Variants in SERINC5 observed in about 807,000 individuals in gnomAD.
SERINC5 encodes serine incorporator 5, also known as chromosome 5 open reading frame 12.
In SERINC5, 41 loss-of-function variants were observed where a neutral mutation model predicts 63.1. That is an observed-to-expected ratio of 0.65 (90% confidence interval 0.51 to 0.84). SERINC5 has a LOEUF of 0.84. SERINC5 is among the 40% of genes least tolerant of loss of function. The pLI, the probability that SERINC5 is intolerant of heterozygous loss-of-function variation, is 0.00. For missense variants in SERINC5, 523 were observed against 573.0 expected, an observed-to-expected ratio of 0.91 and a Z score of 0.89; for synonymous variants, 222 against 215.2, an observed-to-expected ratio of 1.03 and a Z score of -0.28.
At chr5:80,160,310 G>A (rs780273294) in intron 7 of SERINC5, among the ~76,000 whole-genome samples, 1 of 152,162 alleles carries the variant, frequency 6.6e-6, no homozygotes, top group Non-Finnish European at 1.5e-5. Flanking sequence ...TAAACACTAC[G>A]TAACAAAGAT....
At chr5:80,170,231 T>G (rs1207653838) in intron 5 of SERINC5, among the ~76,000 whole-genome samples, 1 of 152,154 alleles carries the variant, frequency 6.6e-6, no homozygotes. Context: ...CAGTGTGAAA[T>G]GTAACAGACT....
In SERINC5 at chr5:80,142,624, A is replaced by AGGATGC. The variant is rs1745578499; in HGVS notation, c.*1038_*1039insGCATCC. On this transcript the variant is annotated 3_prime_UTR_variant, in exon 12 of 12. Transcript: ENST00000507668. ...TCCAAGGATGCCAGCATGAACCTGA[A>AGGATGC]CGGTATGGTCACGTTACAGATCCAG... is the stretch of plus-strand genomic sequence containing the variant. 7 of 985,410 alleles carry AGGATGC rather than the reference A, an allele frequency of 7.1e-6. No homozygotes were observed. The South Asian group carries it at 2.8e-4, about 40-fold the overall frequency. 61.0% of individuals were successfully genotyped at this position (985,410 alleles called of 1,614,324 possible).
chr5:80,212,193 T>C (rs534964056), intron 1 of SERINC5, among the ~76,000 whole-genome samples: 1 of 152,266 alleles, frequency 6.6e-6, no homozygotes, highest in South Asian at 2.1e-4. Context: ...ATAATACTGT[T>C]CCTTAATAAA....
intron 2 of SERINC5, among the ~76,000 whole-genome samples, chr5:80,187,481 G>A (rs78795659): frequency 0.018 from 2,790 of 151,934 alleles, 101 homozygotes; most frequent in African/African-American, 0.064. Flanking sequence ...TCCTGTTATT[G>A]GTCAGTGGAC....
In SERINC5 at chr5:80,141,157, C is replaced by A; in HGVS notation, c.*2506G>T. On this transcript the variant is annotated 3_prime_UTR_variant, in exon 12 of 12. Coordinates refer to ENST00000507668, the MANE Select transcript of SERINC5 (RefSeq NM_001174072.3). ...CCTCAATCCTCAGATACATCCACATCTGTTTTGTTCATCCAGATACACGTG... is the reference window on the plus strand; with the variant it reads ...CCTCAATCCTCAGATACATCCACATATGTTTTGTTCATCCAGATACACGTG... 1.0e-6 allele frequency: 1 copy of A among 985,416 alleles called. No individual in the cohort carries two copies. The highest frequency in any genetic ancestry group is 1.2e-6 in the Non-Finnish European group (1 of 829,902). The allele number at this position is 985,416 out of a possible 1,614,324, so 61.0% of individuals were successfully genotyped here.
intron 11 of SERINC5, among the ~76,000 whole-genome samples, chr5:80,117,770 G>C (rs531941289): frequency 5.3e-5 from 8 of 151,958 alleles, no homozygotes; most frequent in Admixed American, 1.3e-4. Flanking sequence ...AAGGATCTAG[G>C]GGGTGATCTA....
At chr5:80,229,229 G>T (rs866901830) in intron 1 of SERINC5, among the ~76,000 whole-genome samples, 7 of 151,706 alleles carry the variant, frequency 4.6e-5, no homozygotes, top group South Asian at 4.2e-4. Context: ...TCACCATGTT[G>T]GCCAGGCTGG....
intron 1 of SERINC5, among the ~76,000 whole-genome samples, chr5:80,231,557 G>A (rs1038608100): frequency 2.0e-5 from 3 of 151,524 alleles, no homozygotes; most frequent in Admixed American, 6.6e-5. Context: ...AACCTCCAGC[G>A]TCATGACCAC....
rs751331103 is a variant in SERINC5, at chr5:80,203,004, C to T, written c.77G>A (p.Cys26Tyr). The T allele has an allele frequency of 8.7e-6, 14 of 1,612,914 alleles. No homozygotes were observed. In the South Asian group the frequency reaches 1.5e-4, roughly 18 times the overall value. ...SAGCSLCCDC[C>Y]PRIRQSLSTR... Reference sequence around the variant, plus strand: ...GCTGAGGGACTGCCGAATCCTGGGGCAGCAATCACAGCAGAGAGAGCAGCC... The same window carrying T: ...GCTGAGGGACTGCCGAATCCTGGGGTAGCAATCACAGCAGAGAGAGCAGCC... Residue 26 changes from cysteine to tyrosine, a missense_variant, in exon 2 of 12, where the codon TGC (cysteine) becomes TAC (tyrosine). Physicochemically the swap from Cys to Tyr is radical, Grantham distance 194. Coordinates refer to ENST00000507668, the MANE Select transcript of SERINC5 (RefSeq NM_001174072.3).
intron 2 of SERINC5, among the ~76,000 whole-genome samples, chr5:80,201,469 A>G (rs1242330410): frequency 1.3e-5 from 2 of 152,110 alleles, no homozygotes; most frequent in Non-Finnish European, 2.9e-5. Flanking sequence ...GGTGAGTCTG[A>G]GTCATTTGGG....
At chr5:80,112,776 A>G (rs1255722735) in intron 12 of SERINC5, among the ~76,000 whole-genome samples, 1 of 152,048 alleles carries the variant, frequency 6.6e-6, no homozygotes, top group Non-Finnish European at 1.5e-5. Flanking sequence ...ATGAGACCTC[A>G]TTTCTAAAAA....
At chr5:80,122,914 G>C (rs1408304248) in intron 11 of SERINC5, among the ~76,000 whole-genome samples, 1 of 152,232 alleles carries the variant, frequency 6.6e-6, no homozygotes, top group Non-Finnish European at 1.5e-5. Context: ...AGTGCCTCCA[G>C]GTAAAAGCTC....
In SERINC5 at chr5:80,255,837, G is replaced by A. The variant is rs1752652685; in HGVS notation, c.27+59C>T. 5.8e-6 allele frequency: 9 copies of A among 1,563,324 alleles called. No homozygotes were observed. In the South Asian group the frequency reaches 6.9e-5, roughly 12 times the overall value. Reference sequence around the variant, plus strand: ...GCACCCAGGCAGGTCCTCCACGCCTGGACTCCTGGCCCGGTTCTCCGATCT... The same window carrying A: ...GCACCCAGGCAGGTCCTCCACGCCTAGACTCCTGGCCCGGTTCTCCGATCT... On this transcript the variant is annotated intron_variant, in intron 1 of 11. Transcript: ENST00000507668.
intron 1 of SERINC5, among the ~76,000 whole-genome samples, chr5:80,216,927 A>G (rs1013645425): frequency 1.3e-5 from 2 of 152,146 alleles, no homozygotes; most frequent in Middle Eastern, 6.8e-3. Context: ...AGGAGGATGG[A>G]TTGAGCCCAG....
rs781747307 is a variant in SERINC5 at position 80,146,233 on chromosome 5, G to A, written c.1095C>T (p.Asp365=). ...CCTTCCCCGGCTGCTGCTCTTCAGT[G>A]TCTGTGAAGCACAGAGGGAGCCCAG... The part of the protein sequence containing the change: ...CCFCFSPGGE[D]TEEQQPGKEG... The change falls in exon 11 of 12, where the codon GAC becomes GAT. Residue 365 remains aspartate, a splice_region_variant and synonymous_variant. Coordinates refer to ENST00000507668, the MANE Select transcript of SERINC5 (RefSeq NM_001174072.3). 6 of 1,613,898 alleles carry A rather than the reference G, an allele frequency of 3.7e-6. No homozygotes were observed. Among genetic ancestry groups the A allele is most frequent in the Admixed American group, 3.3e-5 (2 of 60,020 alleles).
chr5:80,187,165 C>CA (rs759541904), intron 2 of SERINC5, among the ~76,000 whole-genome samples: 8 of 150,202 alleles, frequency 5.3e-5, no homozygotes, highest in South Asian at 4.2e-4. Context: ...AACTCCATCT[C>CA]AAAAAAAAGA....
At chr5:80,206,725 C>T (rs1437458690) in intron 1 of SERINC5, among the ~76,000 whole-genome samples, 1 of 150,596 alleles carries the variant, frequency 6.6e-6, no homozygotes, top group Non-Finnish European at 1.5e-5. Context: ...CATACACATA[C>T]AACTGTCCCC....
chr5:80,212,204 C>T (rs571925410), intron 1 of SERINC5, among the ~76,000 whole-genome samples: 16 of 152,296 alleles, frequency 1.1e-4, no homozygotes, highest in South Asian at 6.2e-4. Flanking sequence ...CCTTAATAAA[C>T]GGCAGTGGGA....
chr5:80,124,420 G>A (rs750166569), intron 11 of SERINC5, among the ~76,000 whole-genome samples: 5 of 152,126 alleles, frequency 3.3e-5, no homozygotes, highest in Non-Finnish European at 7.4e-5. Context: ...AAGTGATGGT[G>A]GCTGACTACC....
Sources: allele counts gnomAD v4.1 joint callset (sites outside exome capture counted in the v4.1 genomes callset), GRCh38; gene constraint gnomAD v4.1.1; transcripts MANE v1.5; gene names NCBI Gene and HGNC (gene_info 2026-07-23, HGNC 2026-07-21).